The following PRKN variants were observed in gnomAD, a reference collection of about 807,000 sequenced individuals.
PRKN encodes parkin RBR E3 ubiquitin protein ligase, also known as E3 ubiquitin-protein ligase parkin.
In PRKN, 56 loss-of-function variants were observed where a neutral mutation model predicts 59.5. The ratio of observed to expected loss-of-function variants is 0.94; its 90% CI spans 0.76 to 1.18. The LOEUF is 1.18. Among genes scored for constraint, PRKN ranks in the 50% most tolerant of loss-of-function variants. PRKN has a pLI of 0.00. For synonymous variants in PRKN, 250 were observed against 222.1 expected (o/e 1.13, Z -1.12); for missense variants, 657 against 596.4 (o/e 1.10, Z -1.06).
intron 4 of PRKN, among the ~76,000 whole-genome samples, chr6:162,153,091 T>C (rs950686540): frequency 4.6e-5 from 7 of 152,246 alleles, no homozygotes; most frequent in African/African-American, 1.7e-4. Context: ...TGTTCAAGGC[T>C]AGAAAATAGT....
intron 1 of PRKN, among the ~76,000 whole-genome samples, chr6:162,611,166 A>G (rs1222134038): frequency 1.3e-5 from 2 of 152,224 alleles, no homozygotes; most frequent in Non-Finnish European, 2.9e-5. Flanking sequence ...CTAGTACCAT[A>G]TATAGAATTA....
At chr6:161,638,603 T>G (rs1403363027) in intron 7 of PRKN, among the ~76,000 whole-genome samples, 1 of 152,138 alleles carries the variant, frequency 6.6e-6, no homozygotes, top group Admixed American at 6.5e-5. Flanking sequence ...ATGTCCCCAC[T>G]CAAATCTCAT....
At chr6:161,756,920 G>A (rs1186403429) in intron 7 of PRKN, among the ~76,000 whole-genome samples, 1 of 152,126 alleles carries the variant, frequency 6.6e-6, no homozygotes. Context: ...AGAGCGCAGA[G>A]AACAGAAATA....
intron 2 of PRKN, among the ~76,000 whole-genome samples, chr6:162,355,272 A>G (rs953996751): frequency 4.6e-5 from 7 of 151,078 alleles, no homozygotes; most frequent in African/African-American, 1.7e-4. Flanking sequence ...GATCTAGAAC[A>G]TAATTATGTT....
intron 9 of PRKN, among the ~76,000 whole-genome samples, chr6:161,443,040 G>C (rs554686983): frequency 1.2e-4 from 18 of 152,244 alleles, no homozygotes; most frequent in African/African-American, 4.3e-4. Context: ...GGGCGCGGTG[G>C]CTCATGCTTG....
intron 2 of PRKN, among the ~76,000 whole-genome samples, chr6:162,425,507 T>C (rs891176580): frequency 1.2e-4 from 18 of 152,128 alleles, no homozygotes; most frequent in East Asian, 3.9e-4. Context: ...CATTGAAATA[T>C]AAAACAAGAG....
At chr6:162,029,601 T>C (rs1398427423) in intron 5 of PRKN, among the ~76,000 whole-genome samples, 1 of 152,204 alleles carries the variant, frequency 6.6e-6, no homozygotes, top group Non-Finnish European at 1.5e-5. Flanking sequence ...AAGTTGTTCA[T>C]GAGGTTTGGC....
At chr6:161,855,869 A>T (rs1793629619) in intron 6 of PRKN, among the ~76,000 whole-genome samples, 1 of 152,230 alleles carries the variant, frequency 6.6e-6, no homozygotes, top group Admixed American at 6.5e-5. Context: ...AACATAAGAA[A>T]GTGTACAGTT....
At chr6:162,559,535 G>A (rs925643284) in intron 1 of PRKN, among the ~76,000 whole-genome samples, 28 of 152,142 alleles carry the variant, frequency 1.8e-4, no homozygotes, top group African/African-American at 6.5e-4. Context: ...AGAAAGCTAC[G>A]GGTCACTTGT....
chr6:161,507,500 A>G (rs774430874), intron 9 of PRKN, among the ~76,000 whole-genome samples: 1 of 152,198 alleles, frequency 6.6e-6, no homozygotes, highest in Non-Finnish European at 1.5e-5. Context: ...ACCGCCAATT[A>G]TAATCTACAA....
At chr6:161,730,144 T>C (rs538857990) in intron 7 of PRKN, among the ~76,000 whole-genome samples, 1 of 151,710 alleles carries the variant, frequency 6.6e-6, no homozygotes, top group Non-Finnish European at 1.5e-5. Context: ...TGTGTTGGAT[T>C]CTTTCTGATG....
chr6:162,450,390 A>T (rs1380508278), intron 1 of PRKN, among the ~76,000 whole-genome samples: 1 of 139,046 alleles, frequency 7.2e-6, no homozygotes, highest in Non-Finnish European at 1.6e-5. Flanking sequence ...TCCCCCTGTG[A>T]ATGTAAACGC....
chr6:162,194,671 AG>A (rs1784422034), intron 4 of PRKN, among the ~76,000 whole-genome samples: 1 of 152,056 alleles, frequency 6.6e-6, no homozygotes, highest in Non-Finnish European at 1.5e-5. Flanking sequence ...CAAAATTTTA[AG>A]TTCTTTATGG....
At chr6:161,438,769 G>A (rs554723827) in intron 9 of PRKN, among the ~76,000 whole-genome samples, 21 of 152,236 alleles carry the variant, frequency 1.4e-4, no homozygotes, top group African/African-American at 5.1e-4. Flanking sequence ...TGATCATCCC[G>A]CATGTAGCTA....
chr6:162,447,349 A>C (rs1453613780), intron 1 of PRKN, among the ~76,000 whole-genome samples: 4 of 150,952 alleles, frequency 2.6e-5, no homozygotes, highest in Non-Finnish European at 4.4e-5. Context: ...TATGATAGAG[A>C]ATATGGCTCA....
chr6:162,716,120 C>T (rs1238965505), intron 1 of PRKN, among the ~76,000 whole-genome samples: 1 of 152,080 alleles, frequency 6.6e-6, no homozygotes, highest in Non-Finnish European at 1.5e-5. Flanking sequence ...AAATATTTGC[C>T]GAATTTAACA....
Position 162,469,492 on chromosome 6 carries a change from A to G in PRKN, c.8-26019T>C, listed in dbSNP as rs976460000. Among the ~76,000 whole-genome samples the G allele has an allele frequency of 1.8e-3, 267 of 146,850 alleles. 1 individual carries two copies. The highest frequency in any genetic ancestry group is 5.8e-3 in the African/African-American group (224 of 38,650). On this transcript the variant is annotated intron_variant, in intron 1 of 11. Coordinates refer to ENST00000366898, the MANE Select transcript of PRKN (RefSeq NM_004562.3). ...AATGAGTGGATCAAGAAACTGTGGTATGTGTGTGTGTGTGTATACACACAC... is the reference window on the plus strand; with the variant it reads ...AATGAGTGGATCAAGAAACTGTGGTGTGTGTGTGTGTGTGTATACACACAC...
chr6:161,891,894 T>G (rs1795357679), intron 6 of PRKN, among the ~76,000 whole-genome samples: 1 of 152,212 alleles, frequency 6.6e-6, no homozygotes, highest in Non-Finnish European at 1.5e-5. Flanking sequence ...TGTTGCACGC[T>G]TGTTAGAGTG....
chr6:161,973,632 A>G (rs1780911670), intron 5 of PRKN, among the ~76,000 whole-genome samples: 1 of 152,182 alleles, frequency 6.6e-6, no homozygotes, highest in Admixed American at 6.5e-5. Flanking sequence ...AGTCTCTGCT[A>G]TTCTTTTGCT....
Sources: allele counts gnomAD v4.1 joint callset (sites outside exome capture counted in the v4.1 genomes callset), GRCh38; gene constraint gnomAD v4.1.1; transcripts MANE v1.5; gene names NCBI Gene and HGNC (gene_info 2026-07-23, HGNC 2026-07-21).